The following MAPRE2 variants were observed in gnomAD, a reference collection of about 807,000 sequenced individuals.
MAPRE2 encodes microtubule associated protein RP/EB family member 2, also known as microtubule-associated protein RP/EB family member 2.
MAPRE2 carries 13 observed loss-of-function variants against 43.2 expected under a neutral mutation model. That is an observed-to-expected ratio of 0.30 (90% CI 0.20 to 0.48). The LOEUF is 0.48. MAPRE2 is among the 20% of genes least tolerant of loss of function. MAPRE2 has a pLI of 0.99. For missense variants in MAPRE2, 161 were observed against 400.2 expected, an observed-to-expected ratio of 0.40 and a Z score of 5.10; for synonymous variants, 135 against 148.8, an observed-to-expected ratio of 0.91 and a Z score of 0.68.
Position 35,140,412 on chromosome 18 carries a change from G to T in MAPRE2, c.*43G>T. 4 of 1,545,018 alleles carry T rather than the reference G, an allele frequency of 2.6e-6. No homozygotes were observed. The highest frequency in any genetic ancestry group is 3.5e-6 in the Non-Finnish European group (4 of 1,135,656). On this transcript the variant is annotated 3_prime_UTR_variant, in exon 7 of 7. Transcript: ENST00000300249. The stretch of plus-strand genomic sequence containing the variant: ...TGACACTTCCATTGTGTGTGGGAAC[G>T]TTTCTTCTGGAGAATTGGAACATGT...
At chr18:35,052,279 A>G (rs28688665) in intron 1 of MAPRE2, among the ~76,000 whole-genome samples, 5,778 of 152,216 alleles carry the variant, frequency 0.038, 339 homozygotes, top group African/African-American at 0.13. Flanking sequence ...GCTTTCTGTC[A>G]CCACAGATTA....
At chr18:35,034,487 C>A (rs1019580620) in intron 2 of MAPRE2, among the ~76,000 whole-genome samples, 4 of 151,992 alleles carry the variant, frequency 2.6e-5, no homozygotes, top group African/African-American at 9.7e-5. Flanking sequence ...AAAGCAATGG[C>A]AACAAAAGCC....
At chr18:34,984,904 T>C (rs1198395480) in intron 1 of MAPRE2, among the ~76,000 whole-genome samples, 3 of 20,456 alleles carry the variant, frequency 1.5e-4, no homozygotes, top group African/African-American at 2.7e-4. Flanking sequence ...ATATATTTTA[T>C]GTTATATAAT....
Position 35,142,625 on chromosome 18 carries a change from ATTCG to A in MAPRE2, c.*2259_*2262del, listed in dbSNP as rs1452121986. The stretch of plus-strand genomic sequence containing the variant: ...CCTTCCTGAAGGCTTGGGGCAGACC[ATTCG>A]TTTATTTAGAGAAGAGCTATACATT... On this transcript the variant is annotated 3_prime_UTR_variant, in exon 7 of 7. Transcript: ENST00000300249. 2 of 152,170 alleles carry A rather than the reference ATTCG, an allele frequency of 1.3e-5. No homozygotes were observed. The highest frequency in any genetic ancestry group is 2.9e-5 in the Non-Finnish European group (2 of 68,050). 9.4% of individuals were successfully genotyped at this position (152,170 alleles called of 1,614,324 possible).
chr18:35,061,653 A>T (rs1331204234), intron 1 of MAPRE2, among the ~76,000 whole-genome samples: 1 of 152,192 alleles, frequency 6.6e-6, no homozygotes, highest in Admixed American at 6.5e-5. Context: ...CCAGCCCTAG[A>T]ATCCATGCAT....
chr18:35,126,741 C>T (rs553493295), intron 4 of MAPRE2, among the ~76,000 whole-genome samples: 1 of 152,158 alleles, frequency 6.6e-6, no homozygotes, highest in South Asian at 2.1e-4. Flanking sequence ...ACAGCACTCA[C>T]AAAGGTGAGA....
At chr18:35,131,656 A>G (rs1281668991) in intron 5 of MAPRE2, among the ~76,000 whole-genome samples, 2 of 152,172 alleles carry the variant, frequency 1.3e-5, no homozygotes, top group Non-Finnish European at 2.9e-5. Flanking sequence ...ATTTCAACAT[A>G]CACATTTTGA....
At chr18:35,112,552 T>C (rs1404896324) in intron 4 of MAPRE2, among the ~76,000 whole-genome samples, 3 of 152,224 alleles carry the variant, frequency 2.0e-5, no homozygotes, top group Non-Finnish European at 4.4e-5. Context: ...AACTATCCCG[T>C]TGCTAAGCTG....
chr18:35,024,577 A>G (rs1373907720), intron 2 of MAPRE2, among the ~76,000 whole-genome samples: 3 of 152,240 alleles, frequency 2.0e-5, no homozygotes, highest in Admixed American at 2.0e-4. Context: ...ATTTACTACG[A>G]GTATCTGCAG....
intron 1 of MAPRE2, among the ~76,000 whole-genome samples, chr18:35,065,834 A>G (rs1002925776): frequency 5.9e-5 from 9 of 152,318 alleles, no homozygotes; most frequent in Non-Finnish European, 1.0e-4. Context: ...GATTACAGGC[A>G]TGAGCCACCG....
chr18:35,131,158 A>G (rs750160714), intron 5 of MAPRE2, among the ~76,000 whole-genome samples: 17 of 152,030 alleles, frequency 1.1e-4, no homozygotes, highest in Non-Finnish European at 2.1e-4. Flanking sequence ...CTCCCTGGAG[A>G]GCGTTTGTCT....
intron 1 of MAPRE2, among the ~76,000 whole-genome samples, chr18:34,987,518 A>T (rs1345628551): frequency 2.0e-5 from 3 of 152,216 alleles, no homozygotes; most frequent in African/African-American, 7.2e-5. Flanking sequence ...AATAATCCTT[A>T]ATAAGCTGTC....
chr18:34,998,289 C>G (rs1044770931), intron 1 of MAPRE2, among the ~76,000 whole-genome samples: 2 of 150,262 alleles, frequency 1.3e-5, no homozygotes, highest in Admixed American at 1.3e-4. Context: ...CAGGTCTCTA[C>G]AAGTCCCATT....
intron 2 of MAPRE2, among the ~76,000 whole-genome samples, chr18:35,087,730 A>G (rs1364307997): frequency 6.6e-6 from 1 of 152,240 alleles, no homozygotes; most frequent in Non-Finnish European, 1.5e-5. Flanking sequence ...ATAAGGCACA[A>G]GTATTCTTGA....
intron 1 of MAPRE2, among the ~76,000 whole-genome samples, chr18:35,055,537 C>G (rs915518652): frequency 5.1e-4 from 75 of 146,694 alleles, no homozygotes; most frequent in Middle Eastern, 3.5e-3. Context: ...ATTCAGTTCT[C>G]TGTGTGTGTG....
At position 35,140,665 on chromosome 18, in the gene MAPRE2, A is replaced by T. The variant is rs1603405255; in HGVS notation, c.*296A>T. Reference sequence around the variant, plus strand: ...CTTTTCTTCATTTCTTTCCAGAACAACTCTTTCCCACCCCAACACCACTGC... The same window carrying T: ...CTTTTCTTCATTTCTTTCCAGAACATCTCTTTCCCACCCCAACACCACTGC... On this transcript the variant is annotated 3_prime_UTR_variant, in exon 7 of 7. Coordinates refer to ENST00000300249, the MANE Select transcript of MAPRE2 (RefSeq NM_014268.4). 4 of 360,734 alleles carry T rather than the reference A, an allele frequency of 1.1e-5. No individual in the cohort carries two copies. In the East Asian group the frequency reaches 1.7e-4, roughly 16 times the overall value. The allele number at this position is 360,734 out of a possible 1,614,324, so 22.3% of individuals were successfully genotyped here.
At chr18:35,093,540 A>G (rs1258708542) in intron 2 of MAPRE2, among the ~76,000 whole-genome samples, 1 of 152,212 alleles carries the variant, frequency 6.6e-6, no homozygotes, top group East Asian at 1.9e-4. Context: ...TGATTAATAG[A>G]TGTTTAAAAA....
chr18:35,053,979 A>G (rs192762420), intron 1 of MAPRE2, among the ~76,000 whole-genome samples: 57 of 152,304 alleles, frequency 3.7e-4, no homozygotes, highest in Non-Finnish European at 7.6e-4. Flanking sequence ...AGGGAGGAAA[A>G]ATAAATGTAA....
chr18:35,036,723 A>G (rs954622730), upstream of MAPRE2, among the ~76,000 whole-genome samples: 1 of 152,192 alleles, frequency 6.6e-6, no homozygotes. Flanking sequence ...ATCCTGAATG[A>G]GTTGCTTCTC....
Sources: gnomAD v4.1 joint callset for allele counts (sites outside exome capture counted in the v4.1 genomes callset) on GRCh38, gnomAD v4.1.1 for gene constraint, MANE v1.5 for transcripts, NCBI Gene and HGNC (gene_info 2026-07-23, HGNC 2026-07-21) for gene names.